TRIM17: variants seen among roughly 807,000 people sequenced by gnomAD.
TRIM17 encodes the protein E3 ubiquitin-protein ligase TRIM17.
Under a neutral mutation model 35.8 loss-of-function variants are expected in TRIM17, and 27 were observed. That is an observed-to-expected ratio of 0.75 (90% CI 0.56 to 1.04). The LOEUF (loss-of-function observed/expected upper bound fraction) is 1.04, where lower values mean the gene tolerates loss of function less well. Among genes scored for constraint, TRIM17 ranks in the 50% least tolerant of loss-of-function variants. The probability of loss-of-function intolerance (pLI) is 0.00; values close to 1 mark genes in which losing one functional copy is unlikely to be tolerated. For synonymous variants in TRIM17, 246 were observed against 252.6 expected, an observed-to-expected ratio of 0.97 and a Z score of 0.25; for missense variants, 582 against 612.8, an observed-to-expected ratio of 0.95 and a Z score of 0.53.
chr1:228,411,085 G>A lies in TRIM17; in HGVS notation c.617C>T (p.Ala206Val). The A allele has an allele frequency of 6.2e-7, 1 of 1,614,068 alleles. No homozygotes were observed. The highest frequency in any genetic ancestry group is 1.3e-5 in the African/African-American group (1 of 75,054). ...LVEEEQRLLQ[A>V]LETEEEETAS... ...AGTCTCCTCTTCTTCCGTCTCCAGA[G>A]CCTGGAGGAGCCTCTGCTCTTCTTC... Residue 206 changes from alanine to valine, a missense_variant, in exon 4 of 7, where the codon GCT (alanine) becomes GTT (valine). Ala to Val is a moderately conservative substitution (Grantham distance 64). Coordinates refer to ENST00000366698, the MANE Select transcript of TRIM17 (RefSeq NM_016102.4). This position sits in a 1 kb window ranked among gnomAD's most constrained non-coding sequence, Gnocchi z 4.2.
At position 228,411,170 on chromosome 1, in the gene TRIM17, C is replaced by T; in HGVS notation, c.532G>A (p.Val178Met). 6.2e-7 allele frequency: 1 copy of T among 1,607,794 alleles called. No individual in the cohort carries two copies. Among genetic ancestry groups the T allele is most frequent in the Non-Finnish European group, 8.5e-7 (1 of 1,177,016 alleles). ...EQSLAEWQGK[V>M]KERRERIVLE... ...ACAATGCGTTCTCTCCGCTCCTTCA[C>T]CTTGCCCTGCAGGAGTGGAGAAGCC... The change falls in exon 4 of 7, where the codon GTG becomes ATG. Residue 178 changes from valine (V) to methionine (M), a missense_variant. Coordinates refer to ENST00000366698, the MANE Select transcript of TRIM17 (RefSeq NM_016102.4). The surrounding 1 kb of genome is among the most constrained non-coding windows in gnomAD (Gnocchi z 4.2).
rs146209392 is a variant in TRIM17, at chr1:228,414,660, G to A, written c.413C>T (p.Ala138Val). 1,312 of 1,611,478 alleles carry A rather than the reference G, an allele frequency of 8.1e-4. 9 individuals carry two copies. In the African/African-American group the frequency reaches 0.015, roughly 19 times the overall value. The change falls in exon 2 of 7, where the codon GCA becomes GTA. Residue 138 changes from alanine (A) to valine (V), a missense_variant. Ala to Val is a moderately conservative substitution (Grantham distance 64). Transcript: ENST00000366698. Reference protein sequence around the residue: ...RLHRVLPAEEAVQGYKLKLEE... With the variant: ...RLHRVLPAEEVVQGYKLKLEE... ...GTGGCCTACCTTGTACCCCTGCACT[G>A]CCTCCTCGGCGGGCAGCACCCTGTG...
intron 3 of TRIM17, among the ~76,000 whole-genome samples, chr1:228,412,857 C>T (rs1656860263): frequency 6.6e-6 from 1 of 152,078 alleles, no homozygotes; most frequent in African/African-American, 2.4e-5. Context: ...TAACTAAAGG[C>T]CATTGAGAAC....
Position 228,413,839 on chromosome 1 carries a change from C to A in TRIM17, c.483G>T (p.Gly161=). ...EYLREQITRT[G]NLQAREEQSL... is the part of the protein sequence containing the mutation. ...TCTGCTCCTCCCTGGCCTGCAGATTCCCTGTCCTGGTGATCTGCTCCCGAA... is the reference window on the plus strand; with the variant it reads ...TCTGCTCCTCCCTGGCCTGCAGATTACCTGTCCTGGTGATCTGCTCCCGAA... Residue 161 remains glycine, a synonymous_variant, in exon 3 of 7, where the codon GGG becomes GGT. Transcript: ENST00000366698. The A allele has an allele frequency of 6.2e-7, 1 of 1,614,200 alleles. No individual in the cohort carries two copies. The highest frequency in any genetic ancestry group is 8.5e-7 in the Non-Finnish European group (1 of 1,180,028).
chr1:228,416,446 G>C (rs1384681551), intron 1 of TRIM17, 93 bp downstream of exon 1: 10 of 986,716 alleles, frequency 1.0e-5, no homozygotes, highest in Non-Finnish European at 1.1e-5. Flanking sequence ...GGGAAGGCCG[G>C]GCGTTGGAGG....
chr1:228,408,749 C>T lies in TRIM17; in HGVS notation c.886G>A (p.Asp296Asn), dbSNP rs915172072. 6.3e-7 allele frequency: 1 copy of T among 1,599,672 alleles called. No individual in the cohort carries two copies. The highest frequency in any genetic ancestry group is 8.5e-7 in the Non-Finnish European group (1 of 1,179,226). ...QIEVLRGFLE[D>N]VVPDATSAYP... Reference sequence around the variant, plus strand: ...GCGGAGGTGGCATCAGGCACCACATCCTCTGTAGATGGGCGTGGTGGTGGA... The same window carrying T: ...GCGGAGGTGGCATCAGGCACCACATTCTCTGTAGATGGGCGTGGTGGTGGA... Residue 296 changes from aspartate (D) to asparagine (N), a missense_variant and splice_region_variant, in exon 7 of 7, where the codon GAT becomes AAT. Transcript: ENST00000366698. This position sits in a 1 kb window ranked among gnomAD's most constrained non-coding sequence, Gnocchi z 6.3.
At position 228,408,750 on chromosome 1, in the gene TRIM17, C is replaced by G. The variant is rs1485153778; in HGVS notation, c.885G>C (p.Glu295Asp). Reference sequence around the variant, plus strand: ...CGGAGGTGGCATCAGGCACCACATCCTCTGTAGATGGGCGTGGTGGTGGAG... The same window carrying G: ...CGGAGGTGGCATCAGGCACCACATCGTCTGTAGATGGGCGTGGTGGTGGAG... The part of the protein sequence containing the change: ...GQIEVLRGFL[E>D]DVVPDATSAY... Residue 295 changes from glutamate to aspartate, a missense_variant and splice_region_variant, in exon 7 of 7, where the codon GAG becomes GAC. Glu to Asp is a conservative substitution (Grantham distance 45, BLOSUM62 2). Coordinates refer to ENST00000366698, the MANE Select transcript of TRIM17 (RefSeq NM_016102.4). The surrounding 1 kb of genome is among the most constrained non-coding windows in gnomAD (Gnocchi z 6.3). 1 of 1,599,460 alleles carries G rather than the reference C, an allele frequency of 6.3e-7. No homozygotes were observed. Among genetic ancestry groups the G allele is most frequent in the Non-Finnish European group, 8.5e-7 (1 of 1,179,230 alleles).
intron 3 of TRIM17, among the ~76,000 whole-genome samples, chr1:228,413,474 G>C (rs1656899331): frequency 6.6e-6 from 1 of 151,498 alleles, no homozygotes; most frequent in East Asian, 1.9e-4. Context: ...TTGTGGTACT[G>C]AGCCCCCGCC....
chr1:228,415,871 G>T, intron 1 of TRIM17: 1 of 152,484 alleles, frequency 6.6e-6, no homozygotes. Context: ...CAGAAACACT[G>T]ATCCACAAAC....
In TRIM17 at chr1:228,411,775, T is replaced by G. The variant is rs1656797165; in HGVS notation, c.526-599A>C. Among the ~76,000 whole-genome samples, 2 of 151,936 alleles carry G rather than the reference T, an allele frequency of 1.3e-5. No individual in the cohort carries two copies. Among genetic ancestry groups the G allele is most frequent in the Non-Finnish European group, 2.9e-5 (2 of 67,974 alleles). On this transcript the variant is annotated intron_variant, in intron 3 of 6. Transcript: ENST00000366698. The surrounding 1 kb of genome is among the most constrained non-coding windows in gnomAD (Gnocchi z 4.2). Reference sequence around the variant, plus strand: ...CCAAGGAAGTGGGACGACAGACATGTGTCACCACCACCATGCCCAGCTAAT... The same window carrying G: ...CCAAGGAAGTGGGACGACAGACATGGGTCACCACCACCATGCCCAGCTAAT...
intron 6 of TRIM17, 120 bp downstream of exon 6, chr1:228,409,052 C>T (rs549343328): frequency 1.3e-5 from 21 of 1,611,694 alleles, no homozygotes; most frequent in South Asian, 5.5e-5. Context: ...AGCCAGTGAC[C>T]GTCACCAGGC....
chr1:228,408,827 C>T lies in TRIM17; in HGVS notation c.884-76G>A, dbSNP rs1375379416. 7 of 1,534,734 alleles carry T rather than the reference C, an allele frequency of 4.6e-6. No individual in the cohort carries two copies. Among genetic ancestry groups the T allele is most frequent in the Non-Finnish European group, 6.1e-6 (7 of 1,146,736 alleles). Reference sequence around the variant, plus strand: ...GGGTCAAAGGTGGGAGTCCCCGGGCCCTAGTGGTGGATGTGGCCAATGGTC... The same window carrying T: ...GGGTCAAAGGTGGGAGTCCCCGGGCTCTAGTGGTGGATGTGGCCAATGGTC... On this transcript the variant is annotated intron_variant, in intron 6 of 6. Transcript: ENST00000366698. The surrounding 1 kb of genome is among the most constrained non-coding windows in gnomAD (Gnocchi z 6.3).
rs1384084079 is a variant in TRIM17, at chr1:228,407,986, G to A, written c.*215C>T. ...AAATCGGTCCACTCAGAACGCAGGG[G>A]CTTTCAAAAGTTTCCTCTAGGAAGC... On this transcript the variant is annotated 3_prime_UTR_variant, in exon 7 of 7. Transcript: ENST00000366698. 1 of 415,046 alleles carries A rather than the reference G, an allele frequency of 2.4e-6. No individual in the cohort carries two copies. Among genetic ancestry groups the A allele is most frequent in the South Asian group, 8.5e-5 (1 of 11,778 alleles). The allele number at this position is 415,046 out of a possible 1,614,324, so 25.7% of individuals were successfully genotyped here. A position where few individuals can be genotyped will look rare whatever the true frequency, so the allele number is the denominator to read the frequency against.
In TRIM17 at chr1:228,414,971, G is replaced by C. The variant is rs760669970; in HGVS notation, c.102C>G (p.Asn34Lys). The C allele has an allele frequency of 6.2e-7, 1 of 1,613,250 alleles. No individual in the cohort carries two copies. Among genetic ancestry groups the C allele is most frequent in the African/African-American group, 1.3e-5 (1 of 74,946 alleles). The change falls in exon 2 of 7, where the codon AAC (asparagine) becomes AAG (lysine). Residue 34 changes from asparagine (N) to lysine (K), a missense_variant. Physicochemically the swap from Asn to Lys is moderately conservative, Grantham distance 94 (BLOSUM62 0). Transcript: ENST00000366698. Reference sequence around the variant, plus strand: ...TCAGCTGGATGCAGGCTCGGCAGAAGTTGTGGCCACAGGTGGTCATCACAG... The same window carrying C: ...TCAGCTGGATGCAGGCTCGGCAGAACTTGTGGCCACAGGTGGTCATCACAG... Reference protein sequence around the residue: ...TDPVMTTCGHNFCRACIQLSW... With the variant: ...TDPVMTTCGHKFCRACIQLSW...
chr1:228,413,639 T>C (rs1421420154), intron 3 of TRIM17, among the ~76,000 whole-genome samples, 158 bp downstream of exon 3: 1 of 152,226 alleles, frequency 6.6e-6, no homozygotes, highest in African/African-American at 2.4e-5. Context: ...CTTAAGTCAG[T>C]TTCATTCTGA....
intron 6 of TRIM17, 119 bp downstream of exon 6, chr1:228,409,053 G>A (rs982535907): frequency 4.3e-5 from 69 of 1,611,828 alleles, no homozygotes; most frequent in Admixed American, 1.2e-4. Flanking sequence ...GCCAGTGACC[G>A]TCACCAGGCA....
intron 2 of TRIM17, 73 bp from the exon 3 acceptor site, chr1:228,413,965 C>G: frequency 7.7e-7 from 1 of 1,295,734 alleles, no homozygotes; most frequent in Non-Finnish European, 1.1e-6. Context: ...CAGTTGTGCT[C>G]GCTGAAACTG....
intron 2 of TRIM17, 68 bp from the exon 3 acceptor site, chr1:228,413,960 G>T: frequency 1.5e-6 from 2 of 1,375,332 alleles, no homozygotes; most frequent in Admixed American, 1.7e-5. Flanking sequence ...GAGTCCAGTT[G>T]TGCTCGCTGA....
Position 228,416,595 on chromosome 1 carries a change from G to A in TRIM17, c.-98C>T, listed in dbSNP as rs1657148894. The A allele has an allele frequency of 2.0e-6, 2 of 985,624 alleles. No homozygotes were observed. Among genetic ancestry groups the A allele is most frequent in the Non-Finnish European group, 2.4e-6 (2 of 830,272 alleles). 61.1% of individuals were successfully genotyped at this position (985,624 alleles called of 1,614,324 possible). A position where few individuals can be genotyped will look rare whatever the true frequency, so the allele number is the denominator to read the frequency against. On this transcript the variant is annotated 5_prime_UTR_variant, in exon 1 of 7. Transcript: ENST00000366698. ...TGCACCTGGCCGAGCGCTCGCTGCC[G>A]GGAAAGGCTGGGTCTGCCCCCACGA...
Sources: gnomAD v4.1 joint callset for allele counts (sites outside exome capture counted in the v4.1 genomes callset) on GRCh38, gnomAD v4.1.1 for gene constraint, Gnocchi (gnomAD v3.1) non-coding constraint, MANE v1.5 for transcripts, NCBI Gene and HGNC (gene_info 2026-07-23, HGNC 2026-07-21) for gene names.